Variants in RGL1 observed in about 807,000 individuals in gnomAD.
RGL1 encodes ral guanine nucleotide dissociation stimulator-like 1.
RGL1 carries 24 observed loss-of-function variants against 95.2 expected under a neutral mutation model. The ratio of observed to expected loss-of-function variants is 0.25; its 90% CI spans 0.18 to 0.35. RGL1 has a LOEUF of 0.35. Ranked by LOEUF, RGL1 falls within the 10% of genes least tolerant of loss-of-function variation. The pLI, the probability that RGL1 is intolerant of heterozygous loss-of-function variation, is 1.00. For missense variants in RGL1, 715 were observed against 936.3 expected, an observed-to-expected ratio of 0.76 and a Z score of 3.08; for synonymous variants, 329 against 344.9, an observed-to-expected ratio of 0.95 and a Z score of 0.51.
intron 3 of RGL1, among the ~76,000 whole-genome samples, chr1:183,849,678 A>G (rs1664705190): frequency 6.6e-6 from 1 of 151,796 alleles, no homozygotes; most frequent in African/African-American, 2.4e-5. Context: ...TTTTGTAAAG[A>G]CAGGGCTTTA....
In RGL1 at chr1:183,890,487, A is replaced by C. The variant is rs1455152376; in HGVS notation, c.1056-1590A>C. ...TAGTTGGTTTGTATGTGTTTTAGCA[A>C]GGACACTACAGAAGTGTCACAGTTC... On this transcript the variant is annotated intron_variant, in intron 8 of 17. Coordinates refer to ENST00000360851, the MANE Select transcript of RGL1 (RefSeq NM_001297671.3). Among the ~76,000 whole-genome samples the C allele has an allele frequency of 4.6e-5, 7 of 152,312 alleles. No individual in the cohort carries two copies. The East Asian group carries it at 1.4e-3, about 29-fold the overall frequency.
intron 2 of RGL1, among the ~76,000 whole-genome samples, chr1:183,770,431 G>A (rs1034610033): frequency 1.3e-5 from 2 of 152,086 alleles, no homozygotes; most frequent in African/African-American, 4.8e-5. Context: ...CCCAATAAGG[G>A]AACCAAAATC....
chr1:183,818,905 C>T (rs1483983040), intron 2 of RGL1, among the ~76,000 whole-genome samples: 1 of 152,030 alleles, frequency 6.6e-6, no homozygotes, highest in African/African-American at 2.4e-5. Context: ...GATGCTTTTG[C>T]CTCATCTTTG....
Position 183,911,942 on chromosome 1 carries a change from C to T in RGL1, c.1563-140C>T, listed in dbSNP as rs893196866. On this transcript the variant is annotated intron_variant, in intron 14 of 17. Transcript: ENST00000360851. ...CTACTATTTGTTAGAAACTTTATAG[C>T]GAATGTCCTCCTAAAATAATAATGA... 1.0e-5 allele frequency: 7 copies of T among 702,386 alleles called. No individual in the cohort carries two copies. In the Middle Eastern group the frequency reaches 1.6e-3, roughly 164 times the overall value. 43.5% of individuals were successfully genotyped at this position (702,386 alleles called of 1,614,324 possible).
At chr1:183,857,763 TTGG>T (rs1665247383) in intron 3 of RGL1, among the ~76,000 whole-genome samples, 1 of 152,228 alleles carries the variant, frequency 6.6e-6, no homozygotes, top group Non-Finnish European at 1.5e-5. Context: ...CCCTGCTGGG[TTGG>T]TGGCCTTTGG....
intron 2 of RGL1, among the ~76,000 whole-genome samples, chr1:183,828,922 G>A (rs1663068363): frequency 6.6e-6 from 1 of 152,196 alleles, no homozygotes; most frequent in East Asian, 1.9e-4. Context: ...TTGGAGAGGA[G>A]AATAATAACA....
At chr1:183,860,170 G>C (rs1241173452) in intron 3 of RGL1, among the ~76,000 whole-genome samples, 2 of 152,190 alleles carry the variant, frequency 1.3e-5, no homozygotes, top group Admixed American at 1.3e-4. Flanking sequence ...GCAGCTTCAT[G>C]TGAGGTCTCT....
intron 15 of RGL1, among the ~76,000 whole-genome samples, chr1:183,914,742 T>C (rs1668860558): frequency 6.6e-6 from 1 of 152,222 alleles, no homozygotes; most frequent in South Asian, 2.1e-4. Context: ...TCAGGCAGTC[T>C]GTTTAGAGCT....
intron 2 of RGL1, among the ~76,000 whole-genome samples, chr1:183,817,307 C>G (rs12084921): frequency 1.8e-3 from 275 of 152,308 alleles, no homozygotes; most frequent in African/African-American, 6.4e-3. Context: ...TTCTCTCTTT[C>G]AGTCGTTTCC....
intron 1 of RGL1, among the ~76,000 whole-genome samples, chr1:183,719,689 TG>T (rs1158081508): frequency 1.3e-5 from 2 of 152,226 alleles, no homozygotes; most frequent in Non-Finnish European, 2.9e-5. Flanking sequence ...ATGGATCACC[TG>T]AGGTCAGGAG....
intron 2 of RGL1, among the ~76,000 whole-genome samples, chr1:183,746,619 T>C (rs889110848): frequency 1.5e-3 from 142 of 93,188 alleles, no homozygotes; most frequent in African/African-American, 5.4e-3. Flanking sequence ...ATAGTATACA[T>C]GTATTTTTTT....
intron 2 of RGL1, among the ~76,000 whole-genome samples, chr1:183,834,663 A>C (rs188821864): frequency 6.6e-6 from 1 of 152,152 alleles, no homozygotes; most frequent in Non-Finnish European, 1.5e-5. Flanking sequence ...TTCTTGGCAC[A>C]ATGGAGGCTC....
rs150025925 is a variant in RGL1 at position 183,683,026 on chromosome 1, A to G, written c.-33+46525A>G. Among the ~76,000 whole-genome samples, 1,341 of 150,628 alleles carry G rather than the reference A, an allele frequency of 8.9e-3. 13 individuals are homozygous for G. The highest frequency in any genetic ancestry group is 0.027 in the Middle Eastern group (8 of 294). The stretch of plus-strand genomic sequence containing the variant: ...TTTTTTTGCTTTCCATTTGCTTGGT[A>G]TATATTTCTCCATCCCTTTATTTTG... On this transcript the variant is annotated intron_variant, in intron 1 of 18. Transcript: ENST00000304685.
At chr1:183,684,089 G>T (rs1295930323) in intron 1 of RGL1, among the ~76,000 whole-genome samples, 1 of 152,024 alleles carries the variant, frequency 6.6e-6, no homozygotes, top group Non-Finnish European at 1.5e-5. Flanking sequence ...AAGGTTCTTA[G>T]CTTCCTTGCA....
At chr1:183,713,388 C>CCT (rs67617883) in intron 1 of RGL1, among the ~76,000 whole-genome samples, 1 of 130,028 alleles carries the variant, frequency 7.7e-6, no homozygotes, top group Non-Finnish European at 1.7e-5. Flanking sequence ...CCCCCCCCCC[C>CCT]GCTTTTATAA....
At chr1:183,801,192 C>A (rs745519848), upstream of RGL1, among the ~76,000 whole-genome samples, 9 of 147,398 alleles carry the variant, frequency 6.1e-5, no homozygotes, top group Non-Finnish European at 1.0e-4. Context: ...ATAATGGCCA[C>A]CTTAACAGGT....
chr1:183,917,032 C>CTG (rs1669022617), intron 16 of RGL1, among the ~76,000 whole-genome samples: 1 of 152,158 alleles, frequency 6.6e-6, no homozygotes, highest in Admixed American at 6.5e-5. Context: ...TGTAAATGTG[C>CTG]TCCAGGGAGG....
rs1668966657 is a variant in RGL1, at chr1:183,916,334, G to A, written c.1750-113G>A. ...ACACATGTGTGCTGTGGGCTGTTGT[G>A]GAGGAAATAACTGCAGTCTATCAGT... On this transcript the variant is annotated intron_variant, in intron 15 of 17. Transcript: ENST00000360851. 3 of 1,272,146 alleles carry A rather than the reference G, an allele frequency of 2.4e-6. No homozygotes were observed. The South Asian group carries it at 4.1e-5, about 17-fold the overall frequency. The allele number at this position is 1,272,146 out of a possible 1,614,324, so 78.8% of individuals were successfully genotyped here.
At chr1:183,656,689 T>A (rs1350102097) in intron 1 of RGL1, among the ~76,000 whole-genome samples, 1 of 152,250 alleles carries the variant, frequency 6.6e-6, no homozygotes, top group Non-Finnish European at 1.5e-5. Flanking sequence ...TTGCCAGTCG[T>A]TCCTTGCTCA....
Sources: allele counts gnomAD v4.1 joint callset (sites outside exome capture counted in the v4.1 genomes callset), GRCh38; gene constraint gnomAD v4.1.1; transcripts MANE v1.5; gene names NCBI Gene and HGNC (gene_info 2026-07-23, HGNC 2026-07-21).